Variants in CTNNA1 observed in about 807,000 individuals in gnomAD.
The protein encoded by CTNNA1 is catenin alpha 1.
A neutral mutation model predicts 98.4 loss-of-function variants in CTNNA1; 37 were observed. That is an observed-to-expected ratio of 0.38 (90% confidence interval 0.29 to 0.49). The LOEUF (loss-of-function observed/expected upper bound fraction) is 0.49. CTNNA1 is among the 20% of genes least tolerant of loss of function. The pLI is 0.95. For synonymous variants in CTNNA1, 404 were observed against 413.2 expected, an observed-to-expected ratio of 0.98 and a Z score of 0.27; for missense variants, 761 against 1,147.2, an observed-to-expected ratio of 0.66 and a Z score of 4.86.
chr5:138,879,542 C>T (rs1425200903), intron 7 of CTNNA1, among the ~76,000 whole-genome samples: 2 of 151,982 alleles, frequency 1.3e-5, no homozygotes, highest in African/African-American at 4.8e-5. Flanking sequence ...GATCATAGCT[C>T]ACTGTAACCT....
At chr5:138,898,501 G>C (rs1267519973) in intron 9 of CTNNA1, among the ~76,000 whole-genome samples, 1 of 151,626 alleles carries the variant, frequency 6.6e-6, no homozygotes, top group Non-Finnish European at 1.5e-5. Flanking sequence ...TTTAAAAGTG[G>C]TTCATATAAT....
chr5:138,788,786 A>T (rs776100587), intron 3 of CTNNA1, among the ~76,000 whole-genome samples: 2 of 152,202 alleles, frequency 1.3e-5, no homozygotes. Context: ...ACAGAGGCCC[A>T]TTAATGTTAA....
chr5:138,763,852 AT>A (rs1167247137), intron 1 of CTNNA1, among the ~76,000 whole-genome samples: 2 of 149,866 alleles, frequency 1.3e-5, no homozygotes, highest in African/African-American at 4.9e-5. Context: ...GGGTTATCAT[AT>A]TTTTAGAAAA....
intron 11 of CTNNA1, 136 bp from the exon 12 acceptor site, chr5:138,924,374 C>T: frequency 2.7e-6 from 2 of 741,398 alleles, no homozygotes; most frequent in South Asian, 3.5e-5. Flanking sequence ...TCACTGGTCT[C>T]TCCAATGAAG....
chr5:138,855,689 G>A (rs996257200), intron 7 of CTNNA1, among the ~76,000 whole-genome samples: 3 of 152,172 alleles, frequency 2.0e-5, no homozygotes, highest in Admixed American at 2.0e-4. Flanking sequence ...GTAAGCGTGT[G>A]TCTTTCCTTC....
intron 7 of CTNNA1, among the ~76,000 whole-genome samples, chr5:138,860,856 C>CT (rs1268246531): frequency 6.6e-6 from 1 of 152,106 alleles, no homozygotes; most frequent in East Asian, 1.9e-4. Flanking sequence ...CTTGCAGGGT[C>CT]TATCAGGAGA....
chr5:138,931,136 A>G, intron 16 of CTNNA1: 1 of 569,212 alleles, frequency 1.8e-6, no homozygotes, highest in Non-Finnish European at 3.2e-6. Flanking sequence ...ATCGCTTGGT[A>G]GCCAAAATTA....
chr5:138,756,203 A>AT (rs1300383523), intron 1 of CTNNA1, among the ~76,000 whole-genome samples: 2 of 150,968 alleles, frequency 1.3e-5, no homozygotes, highest in Non-Finnish European at 3.0e-5. Context: ...TGCCTGCCTA[A>AT]TTTTTTTGTA....
intron 1 of CTNNA1, among the ~76,000 whole-genome samples, chr5:138,769,619 GC>G: frequency 6.6e-6 from 1 of 151,908 alleles, no homozygotes; most frequent in East Asian, 1.9e-4. Context: ...CGCAGCCTCC[GC>G]CTTCTGGGTT....
intron 14 of CTNNA1, 21 bp downstream of exon 14, chr5:138,929,377 G>A (rs1414783026): frequency 9.4e-6 from 12 of 1,272,520 alleles, no homozygotes; most frequent in East Asian, 2.3e-5. Flanking sequence ...GCTCCGTGGG[G>A]CAGTTCAGCT....
intron 7 of CTNNA1, among the ~76,000 whole-genome samples, chr5:138,842,826 G>A (rs1329736538): frequency 3.3e-5 from 5 of 152,102 alleles, no homozygotes; most frequent in Admixed American, 6.5e-5. Context: ...TCTAATCATG[G>A]CAGTTAAAAA....
intron 1 of CTNNA1, among the ~76,000 whole-genome samples, chr5:138,773,319 T>A (rs1282490641): frequency 6.6e-6 from 1 of 152,098 alleles, no homozygotes; most frequent in Non-Finnish European, 1.5e-5. Flanking sequence ...ATCTTTAGAG[T>A]GCCTTTCTGT....
At chr5:138,770,823 G>A (rs2149604585) in intron 1 of CTNNA1, among the ~76,000 whole-genome samples, 1 of 152,084 alleles carries the variant, frequency 6.6e-6, no homozygotes, top group East Asian at 1.9e-4. Context: ...TTGGTGGTGG[G>A]CGCCTGTAGT....
chr5:138,878,225 A>G (rs1184814583), intron 7 of CTNNA1, among the ~76,000 whole-genome samples: 2 of 152,098 alleles, frequency 1.3e-5, no homozygotes, highest in Non-Finnish European at 2.9e-5. Context: ...CATCTTTCTC[A>G]CCTGCCCACT....
chr5:138,886,693 A>G (rs1163201058), intron 8 of CTNNA1, among the ~76,000 whole-genome samples: 1 of 152,190 alleles, frequency 6.6e-6, no homozygotes, highest in East Asian at 1.9e-4. Context: ...CCTTAGATCC[A>G]TGGTGAAATG....
intron 7 of CTNNA1, among the ~76,000 whole-genome samples, chr5:138,853,412 A>ATATTATAGC (rs1357418735): frequency 6.6e-6 from 1 of 151,312 alleles, no homozygotes; most frequent in Non-Finnish European, 1.5e-5. Context: ...AGCTCTTGGT[A>ATATTATAGC]TATTATAGCT....
intron 3 of CTNNA1, 118 bp downstream of exon 3, chr5:138,783,490 T>A (rs1755362307): frequency 2.5e-6 from 2 of 787,600 alleles, no homozygotes; most frequent in Admixed American, 5.5e-5. Context: ...CTCAGTAACT[T>A]ACTTAGTTAT....
intron 9 of CTNNA1, among the ~76,000 whole-genome samples, chr5:138,899,697 C>G (rs1478103562): frequency 6.6e-6 from 1 of 152,192 alleles, no homozygotes; most frequent in Non-Finnish European, 1.5e-5. Flanking sequence ...CCCCCCACCA[C>G]CCACCAGAGG....
intron 17 of CTNNA1, among the ~76,000 whole-genome samples, chr5:138,933,385 TA>T (rs1056417316): frequency 1.3e-5 from 2 of 152,146 alleles, no homozygotes; most frequent in African/African-American, 4.8e-5. Flanking sequence ...GAATTTCCTT[TA>T]AAAGAAACAC....
Sources: gnomAD v4.1 joint callset for allele counts (sites outside exome capture counted in the v4.1 genomes callset) on GRCh38, gnomAD v4.1.1 for gene constraint, MANE v1.5 for transcripts, NCBI Gene and HGNC (gene_info 2026-07-23, HGNC 2026-07-21) for gene names.